Variants in ASXL3 observed in about 807,000 individuals in gnomAD.
ASXL3 encodes putative Polycomb group protein ASXL3.
Under a neutral mutation model 170.6 loss-of-function variants are expected in ASXL3, and 34 were observed. That is an observed-to-expected ratio of 0.20 (90% CI 0.15 to 0.27). The LOEUF (loss-of-function observed/expected upper bound fraction) is 0.27. Ranked by LOEUF, ASXL3 falls within the 10% of genes least tolerant of loss-of-function variation. The pLI, the probability that ASXL3 is intolerant of heterozygous loss-of-function variation, is 1.00. For missense variants in ASXL3, 2,592 were observed against 2,695.3 expected (o/e 0.96, Z 0.85); for synonymous variants, 1,002 against 989.1 (o/e 1.01, Z -0.24).
chr18:33,720,473 C>T (rs2067240552), intron 8 of ASXL3, among the ~76,000 whole-genome samples: 1 of 151,930 alleles, frequency 6.6e-6, no homozygotes, highest in Admixed American at 6.6e-5. Context: ...GAAGTTTTTT[C>T]CCCCCTTCCC....
Position 33,578,577 on chromosome 18 carries a change from G to A in ASXL3, c.-55G>A, listed in dbSNP as rs1282279150. 4 of 1,156,324 alleles carry A rather than the reference G, an allele frequency of 3.5e-6. No individual in the cohort carries two copies. Among genetic ancestry groups the A allele is most frequent in the South Asian group, 2.3e-5 (1 of 43,714 alleles). 71.6% of individuals were successfully genotyped at this position (1,156,324 alleles called of 1,614,324 possible). Reference sequence around the variant, plus strand: ...GTCATTGTCTCCGCGCCCGAACCCCGAGCACCCCGTGGAATCCCCCACGTC... The same window carrying A: ...GTCATTGTCTCCGCGCCCGAACCCCAAGCACCCCGTGGAATCCCCCACGTC... On this transcript the variant is annotated 5_prime_UTR_variant, in exon 1 of 12. Transcript: ENST00000269197.
chr18:33,583,454 A>G (rs2065009841), intron 1 of ASXL3, among the ~76,000 whole-genome samples: 1 of 152,196 alleles, frequency 6.6e-6, no homozygotes, highest in African/African-American at 2.4e-5. Flanking sequence ...TTATATCTAT[A>G]TCTCATCACC....
rs376530029 is a variant in ASXL3, at chr18:33,689,812, CTG to C, written c.879+6248_879+6249del. On this transcript the variant is annotated intron_variant, in intron 8 of 11. Coordinates refer to ENST00000269197, the MANE Select transcript of ASXL3 (RefSeq NM_030632.3). ...TATTTTGTGAGGAAGTTCTTTTAAACTGTGTAAATATCCTGTTCCTCTTCAGA... is the reference window on the plus strand; with the variant it reads ...TATTTTGTGAGGAAGTTCTTTTAAACTGTAAATATCCTGTTCCTCTTCAGA... 6.9e-4 allele frequency among the ~76,000 whole-genome samples: 105 copies of C among 152,262 alleles called. No homozygotes were observed. The East Asian group carries it at 0.012, about 18-fold the overall frequency.
In ASXL3 at chr18:33,739,440, AAATATCTCC is replaced by A. The variant is rs771864210; in HGVS notation, c.2043_2051del (p.Pro682_Ser684del). 6.2e-7 allele frequency: 1 copy of A among 1,614,002 alleles called. No homozygotes were observed. Among genetic ancestry groups the A allele is most frequent in the Admixed American group, 1.7e-5 (1 of 60,028 alleles). On this transcript the variant is annotated inframe_deletion, in exon 11 of 12. Coordinates refer to ENST00000269197, the MANE Select transcript of ASXL3 (RefSeq NM_030632.3). ...AACTTTCATGCATCTTTGATGTCAG[AAATATCTCC>A]AATATCCACTTCACCTGAAATATCA...
chr18:33,716,936 TAAAC>T (rs1241564015), intron 8 of ASXL3, among the ~76,000 whole-genome samples: 1 of 152,040 alleles, frequency 6.6e-6, no homozygotes, highest in Non-Finnish European at 1.5e-5. Context: ...GAGGTGATGT[TAAAC>T]ATACATTTAT....
chr18:33,713,681 G>A (rs1450524732), intron 8 of ASXL3, among the ~76,000 whole-genome samples: 2 of 152,138 alleles, frequency 1.3e-5, no homozygotes, highest in African/African-American at 4.8e-5. Flanking sequence ...TTGACATAAC[G>A]GGGCGTAGGC....
intron 8 of ASXL3, among the ~76,000 whole-genome samples, chr18:33,696,671 AGCACAT>A: frequency 6.6e-6 from 1 of 151,904 alleles, no homozygotes; most frequent in Non-Finnish European, 1.5e-5. Flanking sequence ...AGTCAGGAGG[AGCACAT>A]CTCAATATCA....
intron 1 of ASXL3, among the ~76,000 whole-genome samples, chr18:33,604,725 T>C (rs1382977761): frequency 6.6e-6 from 1 of 151,996 alleles, no homozygotes; most frequent in Non-Finnish European, 1.5e-5. Context: ...CAGCTCAACA[T>C]GAACAGCTCT....
chr18:33,602,196 G>A (rs1229464186), intron 1 of ASXL3, among the ~76,000 whole-genome samples: 1 of 151,978 alleles, frequency 6.6e-6, no homozygotes, highest in Admixed American at 6.6e-5. Context: ...ATTATCTGAG[G>A]TGGAAGTTTC....
intron 3 of ASXL3, among the ~76,000 whole-genome samples, chr18:33,646,006 G>A (rs1193553999): frequency 6.6e-6 from 1 of 150,410 alleles, no homozygotes; most frequent in East Asian, 1.9e-4. Flanking sequence ...TATGTCAAAA[G>A]GAAACTTTTT....
Position 33,739,821 on chromosome 18 carries a change from A to T in ASXL3, c.2417A>T (p.Asn806Ile). ...ACCTCCCAGCAGAAGAATCTGTCTA[A>T]TACTCCCGAACCCATCATAATGAGT... is the stretch of plus-strand genomic sequence containing the variant. Reference protein sequence around the residue: ...NLTSQQKNLSNTPEPIIMSSS... With the variant: ...NLTSQQKNLSITPEPIIMSSS... Residue 806 changes from asparagine (N) to isoleucine (I), a missense_variant, in exon 11 of 12, where the codon AAT becomes ATT. This residue lies in a region of ASXL3 where 2,246 missense variants were observed against 2,219.6 expected (regional missense o/e 1.01). Transcript: ENST00000269197. The T allele has an allele frequency of 6.2e-7, 1 of 1,613,890 alleles. No individual in the cohort carries two copies. The highest frequency in any genetic ancestry group is 8.5e-7 in the Non-Finnish European group (1 of 1,179,838).
chr18:33,735,034 C>T (rs1349703445), intron 10 of ASXL3, among the ~76,000 whole-genome samples: 1 of 152,116 alleles, frequency 6.6e-6, no homozygotes, highest in Non-Finnish European at 1.5e-5. Context: ...TCTGCTTTGG[C>T]AATATTAGTG....
chr18:33,670,911 A>C (rs1412690589), intron 6 of ASXL3, 121 bp downstream of exon 6: 5 of 597,198 alleles, frequency 8.4e-6, no homozygotes, highest in African/African-American at 7.7e-5. Flanking sequence ...GGTTTGGTTT[A>C]ATTTCTTTAT....
At chr18:33,624,712 C>T (rs2065573461) in intron 2 of ASXL3, among the ~76,000 whole-genome samples, 1 of 152,080 alleles carries the variant, frequency 6.6e-6, no homozygotes, top group Non-Finnish European at 1.5e-5. Context: ...GCTTCATATA[C>T]ACAAAATGGA....
intron 9 of ASXL3, among the ~76,000 whole-genome samples, chr18:33,733,231 T>G (rs1429747370): frequency 6.6e-6 from 1 of 152,188 alleles, no homozygotes; most frequent in Non-Finnish European, 1.5e-5. Context: ...CAGTGTTTTA[T>G]TTTCAAATGC....
rs1472758957 is a variant in ASXL3 at position 33,716,782 on chromosome 18, A to G, written c.880-15186A>G. ...TTTGCAAATGGAATTTCTTTCTTCA[A>G]TGAACTGTATACTGTCTTCAAGGTG... On this transcript the variant is annotated intron_variant, in intron 8 of 11. Transcript: ENST00000269197. 4.6e-5 allele frequency among the ~76,000 whole-genome samples: 7 copies of G among 152,124 alleles called. No homozygotes were observed. In the East Asian group the frequency reaches 5.8e-4, roughly 13 times the overall value.
At chr18:33,679,528 A>G (rs886550261) in intron 7 of ASXL3, among the ~76,000 whole-genome samples, 3 of 152,026 alleles carry the variant, frequency 2.0e-5, no homozygotes, top group Non-Finnish European at 4.4e-5. Context: ...TCAATTGAAG[A>G]AGTTTTTTCT....
At chr18:33,703,234 C>G (rs1408914985) in intron 8 of ASXL3, among the ~76,000 whole-genome samples, 1 of 152,146 alleles carries the variant, frequency 6.6e-6, no homozygotes, top group Non-Finnish European at 1.5e-5. Flanking sequence ...TACCTGTACT[C>G]TATATTAAAT....
intron 1 of ASXL3, among the ~76,000 whole-genome samples, chr18:33,598,700 A>T (rs1172147964): frequency 6.6e-6 from 1 of 152,202 alleles, no homozygotes; most frequent in African/African-American, 2.4e-5. Flanking sequence ...GAAAAGTTAC[A>T]TGAGATAAGT....
Sources: allele counts gnomAD v4.1 joint callset (sites outside exome capture counted in the v4.1 genomes callset), GRCh38; gene constraint gnomAD v4.1.1; regional missense constraint gnomAD v4.1.1; transcripts MANE v1.5; gene names NCBI Gene and HGNC (gene_info 2026-07-23, HGNC 2026-07-21).